AZU1: variants seen among roughly 807,000 people sequenced by gnomAD.
AZU1 encodes azurocidin.
In AZU1, 21 loss-of-function variants were observed where a neutral mutation model predicts 17.8. The ratio of observed to expected loss-of-function variants is 1.18; its 90% confidence interval spans 0.84 to 1.70. The LOEUF (loss-of-function observed/expected upper bound fraction) is 1.70. Ranked by LOEUF, AZU1 falls within the 40% of genes most tolerant of loss-of-function variation. AZU1 has a pLI of 0.00. For missense variants in AZU1, 379 were observed against 362.9 expected (o/e 1.04, Z -0.36); for synonymous variants, 178 against 155.2 (o/e 1.15, Z -1.09).
intron 4 of AZU1, chr19:831,497 G>T (rs972904717): frequency 1.8e-6 from 1 of 553,358 alleles, no homozygotes; most frequent in Non-Finnish European, 3.1e-6. Context: ...CAGGGGAGGG[G>T]CACCTGGCCC....
At position 830,880 on chromosome 19, in the gene AZU1, A is replaced by G. The variant is rs1479589297; in HGVS notation, c.533A>G (p.Asp178Gly). 1 of 1,606,404 alleles carries G rather than the reference A, an allele frequency of 6.2e-7. No individual in the cohort carries two copies. Among genetic ancestry groups the G allele is most frequent in the East Asian group, 2.2e-5 (1 of 44,872 alleles). The stretch of plus-strand genomic sequence containing the variant: ...GTCAACGTGACTGTGACCCCCGAGG[A>G]CCAGTGTCGCCCCAACAACGTGTGC... ...RFVNVTVTPE[D>G]QCRPNNVCTG... The change falls in exon 4 of 5, where the codon GAC becomes GGC. Residue 178 changes from aspartate to glycine, a missense_variant. Transcript: ENST00000233997.
At chr19:830,266 A>C (rs1014574470) in intron 3 of AZU1, among the ~76,000 whole-genome samples, 7 of 152,150 alleles carry the variant, frequency 4.6e-5, no homozygotes, top group African/African-American at 7.2e-5. Context: ...TCTCAAAAAA[A>C]ACTTCCAAAA....
At position 831,994 on chromosome 19, in the gene AZU1, A is replaced by C. The variant is rs2035296040; in HGVS notation, c.*117A>C. The C allele has an allele frequency of 1.6e-6, 2 of 1,282,458 alleles. No homozygotes were observed. The allele number at this position is 1,282,458 out of a possible 1,614,324, so 79.4% of individuals were successfully genotyped here. A position where few individuals can be genotyped will look rare whatever the true frequency, so the allele number is the denominator to read the frequency against. ...TCCGGCCAGAGGGGCCCTGGCTGTA[A>C]TAAAGAAGCCGATCTCTCCTCTGCT... On this transcript the variant is annotated 3_prime_UTR_variant, in exon 5 of 5. Transcript: ENST00000233997.
Position 831,865 on chromosome 19 carries a change from GGGGCCAGCC to G in AZU1, c.745_753del (p.Gly249_Ala251del). On this transcript the variant is annotated inframe_deletion, in exon 5 of 5. Coordinates refer to ENST00000233997, the MANE Select transcript of AZU1 (RefSeq NM_001700.5). ...ATGGTGTTCTCAACAACCCGGGACC[GGGGCCAGCC>G]TAGGGGGGCCTGTGACCTCCCATGG... 1 of 1,611,898 alleles carries G rather than the reference GGGGCCAGCC, an allele frequency of 6.2e-7. No individual in the cohort carries two copies. Among genetic ancestry groups the G allele is most frequent in the Non-Finnish European group, 8.5e-7 (1 of 1,179,396 alleles).
At chr19:831,149 C>T (rs536058105) in intron 4 of AZU1, 22 of 535,504 alleles carry the variant, frequency 4.1e-5, no homozygotes, top group African/African-American at 7.8e-5. Flanking sequence ...GTGATCTCGG[C>T]GGCTCACTGC....
intron 3 of AZU1, among the ~76,000 whole-genome samples, 192 bp downstream of exon 3, chr19:829,898 G>A (rs538351620): frequency 6.6e-6 from 1 of 152,006 alleles, no homozygotes; most frequent in South Asian, 2.1e-4. Context: ...AGACCAGCCT[G>A]GGCAACATGG....
Position 829,638 on chromosome 19 carries a change from T to C in AZU1, c.292T>C (p.Ser98Pro). ...RRERQSRQTF[S>P]ISSMSENGYD... ...GGAGAGGCAGTCCCGCCAGACGTTT[T>C]CCATCAGCAGCATGAGCGAGAATGG... Residue 98 changes from serine (S) to proline (P), a missense_variant, in exon 3 of 5, where the codon TCC (serine) becomes CCC (proline). Physicochemically the swap from Ser to Pro is moderately conservative, Grantham distance 74. Coordinates refer to ENST00000233997, the MANE Select transcript of AZU1 (RefSeq NM_001700.5). The C allele has an allele frequency of 6.2e-7, 1 of 1,613,390 alleles. No individual in the cohort carries two copies. Among genetic ancestry groups the C allele is most frequent in the Non-Finnish European group, 8.5e-7 (1 of 1,179,934 alleles).
intron 1 of AZU1, among the ~76,000 whole-genome samples, 153 bp from the exon 2 acceptor site, chr19:828,077 G>A (rs2145096814): frequency 6.6e-6 from 1 of 152,376 alleles, no homozygotes; most frequent in African/African-American, 2.4e-5. Flanking sequence ...GGGACTCAGG[G>A]GCCCCCTGTC....
At chr19:828,695 C>T (rs1275275431) in intron 2 of AZU1, among the ~76,000 whole-genome samples, 17 of 110,974 alleles carry the variant, frequency 1.5e-4, no homozygotes, top group Admixed American at 7.1e-4. Context: ...ATGGGGGAGG[C>T]CCAGAGAAGG....
intron 3 of AZU1, 37 bp downstream of exon 3, chr19:829,743 G>A (rs4807873): frequency 0.071 from 113,268 of 1,599,516 alleles, 4,420 homozygotes; most frequent in South Asian, 0.12. Context: ...CCAGCACCTC[G>A]GGAGGCCGAC....
Position 828,315 on chromosome 19 carries a change from C to T in AZU1, c.144C>T (p.Gly48=). Residue 48 remains glycine, a synonymous_variant, in exon 2 of 5, where the codon GGC becomes GGT. Coordinates refer to ENST00000233997, the MANE Select transcript of AZU1 (RefSeq NM_001700.5). ...FPFLASIQNQ[G]RHFCGGALIH... ...TCCTGGCCTCCATTCAGAATCAAGG[C>T]AGGCACTTCTGCGGGGGTGCCCTGA... 1 of 1,611,262 alleles carries T rather than the reference C, an allele frequency of 6.2e-7. No individual in the cohort carries two copies.
chr19:830,178 T>G (rs1310847783), intron 3 of AZU1, among the ~76,000 whole-genome samples: 1 of 152,056 alleles, frequency 6.6e-6, no homozygotes, highest in East Asian at 1.9e-4. Context: ...GAGAATCGCT[T>G]GAACCCGGGA....
chr19:831,877 G>A lies in AZU1; in HGVS notation c.756G>A (p.Ter252=), dbSNP rs752077582. Residue 252 remains the stop codon, a stop_retained_variant, in exon 5 of 5, where the codon TAG becomes TAA. Transcript: ENST00000233997. ...ACAACCCGGGACCGGGGCCAGCCTA[G>A]GGGGGCCTGTGACCTCCCATGGAGC... ...VLNNPGPGPA[*] 41 of 1,610,496 alleles carry A rather than the reference G, an allele frequency of 2.5e-5. No homozygotes were observed. Among genetic ancestry groups the A allele is most frequent in the South Asian group, 6.6e-5 (6 of 90,850 alleles).
In AZU1 at chr19:829,571, G is replaced by C; in HGVS notation, c.225G>C (p.Gly75=). The change falls in exon 3 of 5, where the codon GGG becomes GGC. Residue 75 remains glycine, a synonymous_variant. Coordinates refer to ENST00000233997, the MANE Select transcript of AZU1 (RefSeq NM_001700.5). ...AASCFQSQNP[G]VSTVVLGAYD... ...CCTCCGCTACTCTCAGGAACCCCGG[G>C]GTTAGCACCGTGGTGCTGGGTGCCT... The C allele has an allele frequency of 6.2e-7, 1 of 1,613,022 alleles. No individual in the cohort carries two copies. The highest frequency in any genetic ancestry group is 1.1e-5 in the South Asian group (1 of 91,080).
chr19:828,163 C>A, intron 1 of AZU1, 67 bp from the exon 2 acceptor site: 2 of 1,507,798 alleles, frequency 1.3e-6, no homozygotes, highest in South Asian at 1.3e-5. Flanking sequence ...GAGGCTGCAG[C>A]TTCACACGCC....
chr19:830,812 G>A lies in AZU1; in HGVS notation c.465G>A (p.Gly155=), dbSNP rs1288496493. The part of the protein sequence containing the change: ...AGTRCQVAGW[G]SQRSGGRLSR... ...CCAGATGCCAGGTGGCCGGCTGGGG[G>A]AGCCAGCGCAGTGGGGGGCGTCTCT... is the stretch of plus-strand genomic sequence containing the variant. Residue 155 remains glycine (G), a synonymous_variant, in exon 4 of 5, where the codon GGG becomes GGA. Coordinates refer to ENST00000233997, the MANE Select transcript of AZU1 (RefSeq NM_001700.5). 1.2e-6 allele frequency: 2 copies of A among 1,607,370 alleles called. No homozygotes were observed. The highest frequency in any genetic ancestry group is 8.5e-7 in the Non-Finnish European group (1 of 1,179,962).
intron 2 of AZU1, 90 bp downstream of exon 2, chr19:828,476 G>A: frequency 7.7e-7 from 1 of 1,296,900 alleles, no homozygotes; most frequent in Non-Finnish European, 1.0e-6. Flanking sequence ...GTGCTTGGTA[G>A]GTGAGGAGGG....
At position 829,724 on chromosome 19, in the gene AZU1, C is replaced by T. The variant is rs1274274177; in HGVS notation, c.360+18C>T. The T allele has an allele frequency of 6.2e-7, 1 of 1,608,522 alleles. No homozygotes were observed. ...TGCTTCAGGTGAGAGGATGGTGCCA[C>T]CTGTGATCCCAGCACCTCGGGAGGC... On this transcript the variant is annotated intron_variant, in intron 3 of 4. Transcript: ENST00000233997.
rs761981708 is a variant in AZU1, at chr19:831,896, A to T, written c.*19A>T. 54 of 1,605,388 alleles carry T rather than the reference A, an allele frequency of 3.4e-5. No homozygotes were observed. The Middle Eastern group carries it at 5.0e-4, about 15-fold the overall frequency. On this transcript the variant is annotated 3_prime_UTR_variant, in exon 5 of 5. Transcript: ENST00000233997. ...AGCCTAGGGGGGCCTGTGACCTCCC[A>T]TGGAGCCCAGCCCCGCCCTCCACAC...
Sources: gnomAD v4.1 joint callset for allele counts (sites outside exome capture counted in the v4.1 genomes callset) on GRCh38, gnomAD v4.1.1 for gene constraint, MANE v1.5 for transcripts, NCBI Gene and HGNC (gene_info 2026-07-23, HGNC 2026-07-21) for gene names.